SLC31A1: variants seen among roughly 807,000 people sequenced by gnomAD.
SLC31A1 encodes high affinity copper uptake protein 1.
In SLC31A1, 5 loss-of-function variants were observed where a neutral mutation model predicts 17.2. That is an observed-to-expected ratio of 0.29 (90% CI 0.15 to 0.61). The LOEUF is 0.61. SLC31A1 is among the 20% of genes least tolerant of loss of function. The pLI is 0.86. For synonymous variants in SLC31A1, 76 were observed against 78.8 expected, an observed-to-expected ratio of 0.96 and a Z score of 0.19; for missense variants, 161 against 241.4, an observed-to-expected ratio of 0.67 and a Z score of 2.21.
At position 113,258,640 on chromosome 9, in the gene SLC31A1, C is replaced by T; in HGVS notation, c.203-54C>T. The T allele has an allele frequency of 6.3e-7, 1 of 1,588,214 alleles. No individual in the cohort carries two copies. Among genetic ancestry groups the T allele is most frequent in the Middle Eastern group, 2.0e-4 (1 of 4,990 alleles). On this transcript the variant is annotated intron_variant, in intron 3 of 4. Transcript: ENST00000374212. The surrounding 1 kb of genome is among the most constrained non-coding windows in gnomAD (Gnocchi z 4.8). ...TCTTTCTAGCTGGACAGCACATTGGCTAATGATTTTGCACATGTTTGACAG... is the reference window on the plus strand; with the variant it reads ...TCTTTCTAGCTGGACAGCACATTGGTTAATGATTTTGCACATGTTTGACAG...
chr9:113,249,702 C>A (rs1405734356), intron 1 of SLC31A1, among the ~76,000 whole-genome samples: 4 of 152,026 alleles, frequency 2.6e-5, no homozygotes, highest in Non-Finnish European at 5.9e-5. Flanking sequence ...GTTATAAGCT[C>A]AACTTGGTAA....
intron 1 of SLC31A1, among the ~76,000 whole-genome samples, chr9:113,236,049 G>A (rs771735391): frequency 9.9e-5 from 15 of 152,174 alleles, no homozygotes; most frequent in Non-Finnish European, 1.6e-4. Flanking sequence ...GTGCAGTGGC[G>A]CAATCTCGGC....
At position 113,261,510 on chromosome 9, in the gene SLC31A1, T is replaced by C. The variant is rs1353776603; in HGVS notation, c.*1037T>C. The C allele has an allele frequency of 3.9e-5, 6 of 152,574 alleles. No individual in the cohort carries two copies. The highest frequency in any genetic ancestry group is 3.9e-4 in the Admixed American group (6 of 15,270). 9.5% of individuals were successfully genotyped at this position (152,574 alleles called of 1,614,324 possible). A position where few individuals can be genotyped will look rare whatever the true frequency, so the allele number is the denominator to read the frequency against. On this transcript the variant is annotated 3_prime_UTR_variant, in exon 5 of 5. Transcript: ENST00000374212. ...AAAAATGACAATCAATTTGAGAAAA[T>C]AGAAATAGATATTTTTAAATAAAAC...
intron 1 of SLC31A1, among the ~76,000 whole-genome samples, chr9:113,230,586 A>G (rs1831391571): frequency 6.6e-6 from 1 of 152,200 alleles, no homozygotes; most frequent in Non-Finnish European, 1.5e-5. Context: ...ATACATAATA[A>G]TTGTACATAT....
intron 1 of SLC31A1, among the ~76,000 whole-genome samples, chr9:113,228,967 C>G (rs536025991): frequency 2.5e-4 from 38 of 152,142 alleles, no homozygotes; most frequent in African/African-American, 8.7e-4. Flanking sequence ...CTGCCTTAGC[C>G]TCCCTAGTAT....
rs766586056 is a variant in SLC31A1 at position 113,258,668 on chromosome 9, C to G, written c.203-26C>G. The G allele has an allele frequency of 2.5e-6, 4 of 1,613,066 alleles. 1 individual carries two copies. The Middle Eastern group carries it at 5.3e-4, about 213-fold the overall frequency. ...ATGATTTTGCACATGTTTGACAGTA[C>G]CTCCATATTTTCCTTCCATACTTAG... On this transcript the variant is annotated intron_variant, in intron 3 of 4. Coordinates refer to ENST00000374212, the MANE Select transcript of SLC31A1 (RefSeq NM_001859.4). The surrounding 1 kb of genome is among the most constrained non-coding windows in gnomAD (Gnocchi z 4.8).
intron 1 of SLC31A1, among the ~76,000 whole-genome samples, chr9:113,237,985 A>G (rs898281486): frequency 3.3e-5 from 5 of 152,266 alleles, no homozygotes; most frequent in African/African-American, 1.2e-4. Flanking sequence ...CTCACAGAGC[A>G]TAATGATAAT....
chr9:113,224,952 G>A (rs1222598945), intron 1 of SLC31A1, among the ~76,000 whole-genome samples: 1 of 152,172 alleles, frequency 6.6e-6, no homozygotes, highest in Non-Finnish European at 1.5e-5. Flanking sequence ...GAATATTATA[G>A]GAGTTAATTC....
chr9:113,247,557 T>C (rs936357395), intron 1 of SLC31A1, among the ~76,000 whole-genome samples: 1 of 152,212 alleles, frequency 6.6e-6, no homozygotes, highest in Non-Finnish European at 1.5e-5. Context: ...CTTCTGACCA[T>C]AAATTCATAT....
chr9:113,232,290 C>T (rs1039453768), intron 1 of SLC31A1, among the ~76,000 whole-genome samples: 9 of 152,140 alleles, frequency 5.9e-5, no homozygotes, highest in Non-Finnish European at 1.2e-4. Flanking sequence ...GTTTTGAACT[C>T]ATCTCTTTTC....
At chr9:113,250,918 T>A (rs1831644170) in intron 1 of SLC31A1, among the ~76,000 whole-genome samples, 1 of 152,132 alleles carries the variant, frequency 6.6e-6, no homozygotes, top group Admixed American at 6.5e-5. Flanking sequence ...ATTGGGTTGC[T>A]ATAAAGTGAG....
In SLC31A1 at chr9:113,258,714, G is replaced by A; in HGVS notation, c.223G>A (p.Ala75Thr). ...CTTAGAAATGGCTGGAGCTTTTGTGGCAGTGTTTTTACTAGCAATGTTCTA... is the reference window on the plus strand; with the variant it reads ...CTTAGAAATGGCTGGAGCTTTTGTGACAGTGTTTTTACTAGCAATGTTCTA... ...TAGEMAGAFV[A>T]VFLLAMFYEG... Residue 75 changes from alanine to threonine, a missense_variant, in exon 4 of 5, where the codon GCA becomes ACA. Ala to Thr is a moderately conservative substitution (Grantham distance 58, BLOSUM62 0). Coordinates refer to ENST00000374212, the MANE Select transcript of SLC31A1 (RefSeq NM_001859.4). This position sits in a 1 kb window ranked among gnomAD's most constrained non-coding sequence, Gnocchi z 4.8. 6.2e-7 allele frequency: 1 copy of A among 1,614,180 alleles called. No individual in the cohort carries two copies. Among genetic ancestry groups the A allele is most frequent in the Non-Finnish European group, 8.5e-7 (1 of 1,180,026 alleles).
chr9:113,225,446 A>G (rs77004406), intron 1 of SLC31A1, among the ~76,000 whole-genome samples: 3,000 of 152,328 alleles, frequency 0.02, 52 homozygotes, highest in Middle Eastern at 0.051. Flanking sequence ...TGAAGTAAAA[A>G]GTTACATTTC....
intron 1 of SLC31A1, among the ~76,000 whole-genome samples, chr9:113,253,552 A>ATTTTTTTTTTTTTTTTTTTTT (rs71491085): frequency 7.8e-6 from 1 of 128,822 alleles, no homozygotes; most frequent in African/African-American, 2.9e-5. Flanking sequence ...GAGCTCTGTA[A>ATTTTTTTTTTTTTTTTTTTTT]TTTTTTTTTT....
chr9:113,224,036 C>G (rs1431665350), intron 1 of SLC31A1, among the ~76,000 whole-genome samples: 1 of 152,206 alleles, frequency 6.6e-6, no homozygotes. Context: ...TTTTGCCATT[C>G]TTTTAACATA....
chr9:113,226,902 C>T (rs769919555), intron 1 of SLC31A1, among the ~76,000 whole-genome samples: 22 of 152,166 alleles, frequency 1.4e-4, no homozygotes, highest in Non-Finnish European at 2.6e-4. Context: ...GTAACTCATA[C>T]ACCCGCATCC....
chr9:113,257,311 T>A, intron 3 of SLC31A1, 126 bp downstream of exon 3: 2 of 854,636 alleles, frequency 2.3e-6, no homozygotes, highest in Non-Finnish European at 4.0e-6. Flanking sequence ...TGCATAACCA[T>A]CTTGGTTCCT....
chr9:113,260,488 G>C lies in SLC31A1; in HGVS notation c.*15G>C. 3 of 1,609,076 alleles carry C rather than the reference G, an allele frequency of 1.9e-6. No homozygotes were observed. The South Asian group carries it at 3.3e-5, about 18-fold the overall frequency. ...ATTGCCATTGACATCAAACTCTATG[G>C]CGTGGCCTTATCGATTGCAGTGGGA... On this transcript the variant is annotated 3_prime_UTR_variant, in exon 5 of 5. Transcript: ENST00000374212.
At chr9:113,256,847 C>G (rs952198664) in intron 2 of SLC31A1, among the ~76,000 whole-genome samples, 23 of 135,872 alleles carry the variant, frequency 1.7e-4, no homozygotes, top group Non-Finnish European at 1.1e-4. Flanking sequence ...GGCTACAGAG[C>G]GAGAATCCGT....
Sources: gnomAD v4.1 joint callset for allele counts (sites outside exome capture counted in the v4.1 genomes callset) on GRCh38, gnomAD v4.1.1 for gene constraint, Gnocchi (gnomAD v3.1) non-coding constraint, MANE v1.5 for transcripts, NCBI Gene and HGNC (gene_info 2026-07-23, HGNC 2026-07-21) for gene names.